TNR: variants seen among roughly 807,000 people sequenced by gnomAD.
TNR encodes the protein tenascin-R.
In TNR, 45 loss-of-function variants were observed where a neutral mutation model predicts 150.4. The observed-to-expected ratio is 0.30, with a 90% confidence interval of 0.24 to 0.38. TNR has a LOEUF of 0.38. TNR is among the 10% of genes least tolerant of loss of function. The pLI is 1.00. For missense variants in TNR, 1,544 were observed against 1,759.1 expected (o/e 0.88, Z 2.19); for synonymous variants, 687 against 678.4 (o/e 1.01, Z -0.20).
At chr1:175,553,845 C>CACAA (rs1553238670) in intron 1 of TNR, among the ~76,000 whole-genome samples, 4 of 151,518 alleles carry the variant, frequency 2.6e-5, no homozygotes, top group African/African-American at 9.7e-5. Context: ...CACACACACA[C>CACAA]ACAAACAATA....
intron 1 of TNR, among the ~76,000 whole-genome samples, chr1:175,595,587 A>G (rs1662977040): frequency 6.6e-6 from 1 of 152,178 alleles, no homozygotes; most frequent in South Asian, 2.1e-4. Context: ...CCCATCCTGC[A>G]ACCCTCAGAA....
At chr1:175,376,434 A>C (rs1056632431) in intron 9 of TNR, among the ~76,000 whole-genome samples, 1 of 151,792 alleles carries the variant, frequency 6.6e-6, no homozygotes, top group Admixed American at 6.6e-5. Context: ...AGATTCAATC[A>C]ACTGTCCCAA....
intron 1 of TNR, among the ~76,000 whole-genome samples, chr1:175,675,885 GA>G (rs1665849971): frequency 6.6e-6 from 1 of 152,142 alleles, no homozygotes; most frequent in Non-Finnish European, 1.5e-5. Context: ...TCTAGGCAAT[GA>G]AAGATGCCCT....
intron 9 of TNR, among the ~76,000 whole-genome samples, chr1:175,371,263 A>T (rs952774126): frequency 6.6e-6 from 1 of 152,174 alleles, no homozygotes; most frequent in Non-Finnish European, 1.5e-5. Context: ...TAGCACAGAA[A>T]ATTCATCCCA....
Position 175,386,433 on chromosome 1 carries a change from G to A in TNR, c.1508-132C>T, listed in dbSNP as rs1652935575. ...ATGGGTATTGTTACTGCATTTTACAGATGAGGAAAATGAGACACAGTAAGA... is the reference window on the plus strand; with the variant it reads ...ATGGGTATTGTTACTGCATTTTACAAATGAGGAAAATGAGACACAGTAAGA... On this transcript the variant is annotated intron_variant, in intron 7 of 22. Transcript: ENST00000367674. The A allele has an allele frequency of 3.0e-6, 3 of 992,538 alleles. No homozygotes were observed. In the East Asian group the frequency reaches 8.6e-5, roughly 28 times the overall value. The allele number at this position is 992,538 out of a possible 1,614,324, so 61.5% of individuals were successfully genotyped here. A position where few individuals can be genotyped will look rare whatever the true frequency, so the allele number is the denominator to read the frequency against.
At chr1:175,646,091 G>A (rs1459556492) in intron 1 of TNR, among the ~76,000 whole-genome samples, 1 of 152,176 alleles carries the variant, frequency 6.6e-6, no homozygotes, top group Non-Finnish European at 1.5e-5. Flanking sequence ...GTTTGGGGCA[G>A]GGAGGTAAAA....
At chr1:175,687,141 T>C (rs1666222683) in intron 1 of TNR, among the ~76,000 whole-genome samples, 1 of 152,138 alleles carries the variant, frequency 6.6e-6, no homozygotes, top group South Asian at 2.1e-4. Context: ...GTCAGAGTCC[T>C]CCTGGGCTCA....
chr1:175,660,342 A>G (rs1665323985), intron 1 of TNR, among the ~76,000 whole-genome samples: 2 of 152,206 alleles, frequency 1.3e-5, no homozygotes, highest in African/African-American at 4.8e-5. Flanking sequence ...TGGGCTGGGA[A>G]TAGCTCCAGA....
At chr1:175,539,393 T>C (rs1362851316) in intron 1 of TNR, among the ~76,000 whole-genome samples, 2 of 152,232 alleles carry the variant, frequency 1.3e-5, no homozygotes, top group East Asian at 3.8e-4. Flanking sequence ...ATCAAAGATT[T>C]AATGGAGGTG....
At chr1:175,416,469 T>G (rs752324223) in intron 2 of TNR, among the ~76,000 whole-genome samples, 1 of 152,196 alleles carries the variant, frequency 6.6e-6, no homozygotes, top group Non-Finnish European at 1.5e-5. Context: ...CACCTGACCT[T>G]TTGCTATCAT....
At chr1:175,369,738 G>T (rs1397865531) in intron 9 of TNR, among the ~76,000 whole-genome samples, 4 of 152,114 alleles carry the variant, frequency 2.6e-5, no homozygotes, top group Non-Finnish European at 5.9e-5. Context: ...TCCTTCCACC[G>T]CTCAGGGCAG....
intron 1 of TNR, among the ~76,000 whole-genome samples, chr1:175,641,224 T>C (rs192109655): frequency 6.6e-6 from 1 of 151,974 alleles, no homozygotes; most frequent in East Asian, 1.9e-4. Flanking sequence ...TCATACATAC[T>C]AGCAAGTGGC....
At chr1:175,475,948 G>A (rs1657528725) in intron 2 of TNR, among the ~76,000 whole-genome samples, 1 of 152,148 alleles carries the variant, frequency 6.6e-6, no homozygotes, top group African/African-American at 2.4e-5. Context: ...GATATTTTAA[G>A]GTATAAGCTA....
chr1:175,458,424 G>T (rs1656661695), intron 2 of TNR, among the ~76,000 whole-genome samples: 2 of 152,184 alleles, frequency 1.3e-5, no homozygotes, highest in African/African-American at 4.8e-5. Flanking sequence ...CAATCTGGTT[G>T]GGGAGGTCAA....
intron 2 of TNR, among the ~76,000 whole-genome samples, chr1:175,455,285 T>C (rs1557944767): frequency 6.7e-6 from 1 of 149,524 alleles, no homozygotes; most frequent in South Asian, 2.1e-4. Flanking sequence ...CATAATAGAA[T>C]GGCTGTTATT....
Position 175,430,963 on chromosome 1 carries a change from G to C in TNR, c.-63-24186C>G, listed in dbSNP as rs558213473. On this transcript the variant is annotated intron_variant, in intron 2 of 22. Transcript: ENST00000367674. ...TAAAGTATTTTGGAGTCTATCTGAG[G>C]TCCAATTTGGGCATCCTTATGTTGC... Among the ~76,000 whole-genome samples the C allele has an allele frequency of 3.9e-5, 6 of 152,194 alleles. No individual in the cohort carries two copies. In the East Asian group the frequency reaches 1.2e-3, roughly 29 times the overall value.
intron 3 of TNR, among the ~76,000 whole-genome samples, chr1:175,404,052 G>T (rs1653842122): frequency 6.6e-6 from 1 of 152,134 alleles, no homozygotes; most frequent in Admixed American, 6.6e-5. Context: ...GTTCAGTTCT[G>T]CAGGGTGCTC....
In TNR at chr1:175,320,373, T is replaced by TAA. The variant is rs1435749889; in HGVS notation, c.*2982_*2983dup. ...CTCATGAGAAAATCACCCTATTAAA[T>TAA]AAAAGGAATCTATAAATCCTTTTAT... On this transcript the variant is annotated 3_prime_UTR_variant, in exon 23 of 23. Transcript: ENST00000367674. 2.0e-5 allele frequency: 3 copies of TAA among 152,140 alleles called. No individual in the cohort carries two copies. Among genetic ancestry groups the TAA allele is most frequent in the Admixed American group, 2.0e-4 (3 of 15,280 alleles). The allele number at this position is 152,140 out of a possible 1,614,324, so 9.4% of individuals were successfully genotyped here.
chr1:175,485,784 C>T (rs181470809), intron 2 of TNR, among the ~76,000 whole-genome samples: 6 of 152,248 alleles, frequency 3.9e-5, no homozygotes, highest in South Asian at 2.1e-4. Flanking sequence ...CCAGGCACGG[C>T]GAGCTTGCAA....
Sources: gnomAD v4.1 joint callset for allele counts (sites outside exome capture counted in the v4.1 genomes callset) on GRCh38, gnomAD v4.1.1 for gene constraint, MANE v1.5 for transcripts, NCBI Gene and HGNC (gene_info 2026-07-23, HGNC 2026-07-21) for gene names.